The following PRKN variants were observed in gnomAD, a reference collection of about 807,000 sequenced individuals.
PRKN encodes the protein parkin RBR E3 ubiquitin protein ligase, also known as E3 ubiquitin-protein ligase parkin.
A neutral mutation model predicts 59.5 loss-of-function variants in PRKN; 56 were observed. The ratio of observed to expected loss-of-function variants is 0.94; its 90% CI spans 0.76 to 1.18. PRKN has a LOEUF of 1.18. Among genes scored for constraint, PRKN ranks in the 50% most tolerant of loss-of-function variants. The pLI, the probability that PRKN is intolerant of heterozygous loss-of-function variation, is 0.00. For synonymous variants in PRKN, 250 were observed against 222.1 expected, an observed-to-expected ratio of 1.13 and a Z score of -1.12; for missense variants, 657 against 596.4, an observed-to-expected ratio of 1.10 and a Z score of -1.06.
intron 2 of PRKN, among the ~76,000 whole-genome samples, chr6:162,433,462 T>C (rs1789629989): frequency 1.3e-5 from 2 of 152,058 alleles, no homozygotes; most frequent in African/African-American, 4.8e-5. Flanking sequence ...TATATAGCAA[T>C]AAGCACATGT....
At chr6:162,410,994 T>C (rs1303887538) in intron 2 of PRKN, among the ~76,000 whole-genome samples, 2 of 152,192 alleles carry the variant, frequency 1.3e-5, no homozygotes, top group Non-Finnish European at 2.9e-5. Context: ...GGGGTATTGA[T>C]ACAGACTCAT....
intron 1 of PRKN, among the ~76,000 whole-genome samples, chr6:162,577,593 C>G (rs1176597926): frequency 6.6e-6 from 1 of 150,948 alleles, no homozygotes; most frequent in African/African-American, 2.4e-5. Context: ...GAGCAAGACT[C>G]TGTCTCAAAA....
At chr6:161,684,521 C>T (rs539572351) in intron 7 of PRKN, among the ~76,000 whole-genome samples, 5 of 152,080 alleles carry the variant, frequency 3.3e-5, no homozygotes, top group African/African-American at 9.7e-5. Context: ...AGTATATTCA[C>T]GTTATATCTA....
At position 161,462,394 on chromosome 6, in the gene PRKN, T is replaced by C. The variant is rs758284693; in HGVS notation, c.1084-75517A>G. On this transcript the variant is annotated intron_variant, in intron 9 of 11. Coordinates refer to ENST00000366898, the MANE Select transcript of PRKN (RefSeq NM_004562.3). This position sits in a 1 kb window ranked among gnomAD's most constrained non-coding sequence, Gnocchi z 4.5. ...GGGAGAGGTATTTTAGGAGCTGATT[T>C]GGTATTCAGTTAATACTGTAGAACG... Among the ~76,000 whole-genome samples, 13 of 152,220 alleles carry C rather than the reference T, an allele frequency of 8.5e-5. No homozygotes were observed.
chr6:162,133,052 G>A (rs151232450), intron 4 of PRKN, among the ~76,000 whole-genome samples: 70 of 152,286 alleles, frequency 4.6e-4, no homozygotes, highest in Middle Eastern at 3.4e-3. Flanking sequence ...AGTCCCATGG[G>A]CACAGTGGAC....
chr6:161,384,027 G>A (rs1786120157), intron 10 of PRKN, among the ~76,000 whole-genome samples: 1 of 152,172 alleles, frequency 6.6e-6, no homozygotes, highest in Non-Finnish European at 1.5e-5. Context: ...TCTCCTGGGG[G>A]GGTCTAACTG....
At chr6:162,709,708 G>A (rs1018657953) in intron 1 of PRKN, among the ~76,000 whole-genome samples, 1 of 152,158 alleles carries the variant, frequency 6.6e-6, no homozygotes, top group African/African-American at 2.4e-5. Flanking sequence ...TGGCTAAAAT[G>A]TATGAGAAAC....
In PRKN at chr6:162,213,848, CACACACACACAT is replaced by C. The variant is rs1335568685; in HGVS notation, c.413-12608_413-12597del. Among the ~76,000 whole-genome samples, 17 of 111,148 alleles carry C rather than the reference CACACACACACAT, an allele frequency of 1.5e-4. No homozygotes were observed. In the East Asian group the frequency reaches 3.0e-3, roughly 20 times the overall value. 72.9% of individuals were successfully genotyped at this position (111,148 alleles called of 152,430 possible). A position where few individuals can be genotyped will look rare whatever the true frequency, so the allele number is the denominator to read the frequency against. ...ACACACACACACACACACACACACA[CACACACACACAT>C]ATGAATAGTAAGAAGTAATAGAGTC... is the stretch of plus-strand genomic sequence containing the variant. On this transcript the variant is annotated intron_variant, in intron 3 of 11. Coordinates refer to ENST00000366898, the MANE Select transcript of PRKN (RefSeq NM_004562.3).
intron 4 of PRKN, among the ~76,000 whole-genome samples, chr6:162,105,254 T>C (rs1304183744): frequency 6.6e-6 from 1 of 152,124 alleles, no homozygotes; most frequent in Admixed American, 6.5e-5. Flanking sequence ...TCAATAGTAG[T>C]GCCAAGTTTT....
At chr6:161,658,468 A>G (rs1424949574) in intron 7 of PRKN, among the ~76,000 whole-genome samples, 1 of 152,258 alleles carries the variant, frequency 6.6e-6, no homozygotes, top group Non-Finnish European at 1.5e-5. Flanking sequence ...ACCAGTGGAA[A>G]CATGTTTCTA....
intron 1 of PRKN, among the ~76,000 whole-genome samples, chr6:162,709,631 G>T (rs2128238346): frequency 6.6e-6 from 1 of 152,294 alleles, no homozygotes; most frequent in East Asian, 1.9e-4. Context: ...TGTGCCAAGG[G>T]TAATAAAACG....
At chr6:162,367,708 T>C (rs978048472) in intron 2 of PRKN, among the ~76,000 whole-genome samples, 1 of 152,110 alleles carries the variant, frequency 6.6e-6, no homozygotes, top group Non-Finnish European at 1.5e-5. Context: ...ATGTATTAGG[T>C]ACTTCTTAAG....
At chr6:162,332,596 C>A (rs560460655) in intron 2 of PRKN, among the ~76,000 whole-genome samples, 20 of 152,244 alleles carry the variant, frequency 1.3e-4, no homozygotes, top group Middle Eastern at 3.4e-3. Context: ...TACTTTATAT[C>A]CATCTGTTGG....
intron 4 of PRKN, among the ~76,000 whole-genome samples, chr6:162,122,242 C>T (rs868862351): frequency 3.9e-5 from 6 of 152,124 alleles, no homozygotes; most frequent in African/African-American, 4.8e-5. Context: ...GGGCAGCATA[C>T]AACCTCCTCT....
intron 2 of PRKN, among the ~76,000 whole-genome samples, chr6:162,359,079 A>AAAATATAT (rs57265104): frequency 2.4e-5 from 2 of 83,248 alleles, no homozygotes; most frequent in African/African-American, 1.5e-4. Context: ...AAAAAAAAAA[A>AAAATATAT]ATATATATAT....
intron 9 of PRKN, among the ~76,000 whole-genome samples, chr6:161,517,898 T>A (rs890307933): frequency 2.8e-4 from 42 of 152,130 alleles, no homozygotes; most frequent in African/African-American, 9.4e-4. Flanking sequence ...AAAAAGCTGG[T>A]GAAGGGTACC....
At chr6:161,901,537 A>T (rs376509528) in intron 6 of PRKN, among the ~76,000 whole-genome samples, 75 of 152,234 alleles carry the variant, frequency 4.9e-4, no homozygotes, top group African/African-American at 1.7e-3. Context: ...AATGGTCTAA[A>T]TTTCAAATAT....
chr6:162,559,189 AC>A (rs1402544701), intron 1 of PRKN, among the ~76,000 whole-genome samples: 1 of 151,538 alleles, frequency 6.6e-6, no homozygotes, highest in Non-Finnish European at 1.5e-5. Context: ...AGTTGTATGA[AC>A]ATTTTGAAAC....
intron 2 of PRKN, among the ~76,000 whole-genome samples, chr6:162,292,895 G>A (rs1781507675): frequency 6.6e-6 from 1 of 152,142 alleles, no homozygotes; most frequent in African/African-American, 2.4e-5. Context: ...ACACTGGGTA[G>A]CAGCAATACT....
Sources: allele counts gnomAD v4.1 joint callset (sites outside exome capture counted in the v4.1 genomes callset), GRCh38; gene constraint gnomAD v4.1.1; non-coding constraint Gnocchi (gnomAD v3.1); transcripts MANE v1.5; gene names NCBI Gene and HGNC (gene_info 2026-07-23, HGNC 2026-07-21).